The following BPIFC variants were observed in gnomAD, a reference collection of about 807,000 sequenced individuals.
The protein encoded by BPIFC is BPI fold-containing family C protein.
A neutral mutation model predicts 57.6 loss-of-function variants in BPIFC; 60 were observed. The observed-to-expected ratio is 1.04, with a 90% CI of 0.85 to 1.29. BPIFC has a LOEUF of 1.29. Among genes scored for constraint, BPIFC ranks in the 50% most tolerant of loss-of-function variants. The pLI, the probability that BPIFC is intolerant of heterozygous loss-of-function variation, is 0.00. For synonymous variants in BPIFC, 243 were observed against 224.5 expected, an observed-to-expected ratio of 1.08 and a Z score of -0.74; for missense variants, 581 against 600.5, an observed-to-expected ratio of 0.97 and a Z score of 0.34.
At chr22:32,461,145 C>A (rs1033867642) in intron 2 of BPIFC, among the ~76,000 whole-genome samples, 1 of 151,864 alleles carries the variant, frequency 6.6e-6, no homozygotes, top group Non-Finnish European at 1.5e-5. Flanking sequence ...TAGTTGGGGG[C>A]ACTGGGAATA....
At position 32,422,319 on chromosome 22, in the gene BPIFC, C is replaced by T. The variant is rs575191766; in HGVS notation, c.1218-2915G>A. ...ATAATTATGAGGGATGGAGAGAAGT[C>T]GTTTGTAGAAGGTAGAGAACAACAC... On this transcript the variant is annotated intron_variant, in intron 13 of 16. Coordinates refer to ENST00000300399, the MANE Select transcript of BPIFC (RefSeq NM_174932.3). Among the ~76,000 whole-genome samples the T allele has an allele frequency of 7.9e-5, 12 of 152,162 alleles. 1 individual carries two copies. In the South Asian group the frequency reaches 2.5e-3, roughly 32 times the overall value.
intron 13 of BPIFC, among the ~76,000 whole-genome samples, chr22:32,424,083 A>G (rs1556036221): frequency 1.3e-5 from 2 of 152,100 alleles, no homozygotes; most frequent in Non-Finnish European, 2.9e-5. Flanking sequence ...TTCTGGATCA[A>G]TGACTATATG....
At chr22:32,461,349 G>T (rs1253042638) in intron 2 of BPIFC, among the ~76,000 whole-genome samples, 3 of 152,168 alleles carry the variant, frequency 2.0e-5, no homozygotes, top group African/African-American at 4.8e-5. Flanking sequence ...ATGACTTGAG[G>T]GTGGTCAGGG....
At chr22:32,452,011 C>T (rs1238188712) in intron 4 of BPIFC, among the ~76,000 whole-genome samples, 1 of 152,096 alleles carries the variant, frequency 6.6e-6, no homozygotes, top group Non-Finnish European at 1.5e-5. Context: ...AGTGATCCTC[C>T]CACCTCAGCC....
At chr22:32,423,242 C>T (rs769205694) in intron 13 of BPIFC, among the ~76,000 whole-genome samples, 4 of 152,060 alleles carry the variant, frequency 2.6e-5, no homozygotes. Flanking sequence ...ATTAAAGGAC[C>T]CTTTTGATGA....
At chr22:32,448,209 C>T (rs1447053739) in intron 4 of BPIFC, among the ~76,000 whole-genome samples, 8 of 152,098 alleles carry the variant, frequency 5.3e-5, no homozygotes, top group South Asian at 2.1e-4. Context: ...GCTGGGACTA[C>T]AGGCGCATGC....
At chr22:32,440,516 G>A (rs1934534648) in intron 8 of BPIFC, among the ~76,000 whole-genome samples, 2 of 152,116 alleles carry the variant, frequency 1.3e-5, no homozygotes, top group South Asian at 4.1e-4. Context: ...CTGCACCCAA[G>A]GAACTCATAG....
chr22:32,434,865 T>G (rs1569451002), intron 10 of BPIFC, among the ~76,000 whole-genome samples: 1 of 152,194 alleles, frequency 6.6e-6, no homozygotes, highest in Non-Finnish European at 1.5e-5. Context: ...CTAGAGACAG[T>G]GCTGTCATTA....
intron 13 of BPIFC, among the ~76,000 whole-genome samples, chr22:32,422,310 G>A (rs957718739): frequency 6.6e-5 from 10 of 152,154 alleles, no homozygotes; most frequent in Non-Finnish European, 1.2e-4. Context: ...ATGAGGGATG[G>A]AGAGAAGTCG....
chr22:32,459,671 A>G lies in BPIFC; in HGVS notation c.-1+1903T>C, dbSNP rs147395827. ...GAGTGAGACTCCATTTCCAAAAATA[A>G]AAAATAAAAATTAAAAAAAAAACTA... is the stretch of plus-strand genomic sequence containing the variant. On this transcript the variant is annotated intron_variant, in intron 2 of 16. Coordinates refer to ENST00000300399, the MANE Select transcript of BPIFC (RefSeq NM_174932.3). Among the ~76,000 whole-genome samples, 561 of 151,760 alleles carry G rather than the reference A, an allele frequency of 3.7e-3. 2 individuals carry two copies. Among genetic ancestry groups the G allele is most frequent in the African/African-American group, 0.013 (531 of 41,340 alleles).
chr22:32,434,940 A>G (rs1012501894), intron 10 of BPIFC, among the ~76,000 whole-genome samples: 10 of 152,092 alleles, frequency 6.6e-5, no homozygotes, highest in African/African-American at 2.4e-4. Context: ...TTGTAGATAA[A>G]CCAGCTGTAA....
chr22:32,445,646 A>T lies in BPIFC; in HGVS notation c.583T>A (p.Leu195Ile). 6.5e-7 allele frequency: 1 copy of T among 1,548,394 alleles called. No homozygotes were observed. The highest frequency in any genetic ancestry group is 8.7e-7 in the Non-Finnish European group (1 of 1,145,912). The change falls in exon 7 of 17, where the codon TTA becomes ATA. Residue 195 changes from leucine to isoleucine, a missense_variant. Physicochemically the swap from Leu to Ile is conservative, Grantham distance 5. Transcript: ENST00000300399. ...EPMEKPILKN[L>I]NEMLCPIIAS... ...CTCTAAAGACTCACCATTTCATTTA[A>T]GTTCTTTAAAATGGGTTTCTCCATG...
At chr22:32,439,897 G>A (rs1410223162) in intron 8 of BPIFC, among the ~76,000 whole-genome samples, 9 of 152,148 alleles carry the variant, frequency 5.9e-5, no homozygotes, top group Admixed American at 5.9e-4. Context: ...TTACAGGTGT[G>A]GGCCACTGTG....
At chr22:32,416,389 G>C (rs1360498543) in intron 15 of BPIFC, among the ~76,000 whole-genome samples, 1 of 152,078 alleles carries the variant, frequency 6.6e-6, no homozygotes, top group African/African-American at 2.4e-5. Flanking sequence ...GGCATGGACA[G>C]CTTTTTAATA....
intron 9 of BPIFC, among the ~76,000 whole-genome samples, chr22:32,436,389 G>A (rs1252655239): frequency 2.3e-5 from 3 of 132,504 alleles, no homozygotes; most frequent in Admixed American, 7.9e-5. Context: ...AGAGGAGGAG[G>A]AGGAAGAGGA....
intron 13 of BPIFC, among the ~76,000 whole-genome samples, chr22:32,421,942 G>A (rs974476255): frequency 6.6e-6 from 1 of 152,148 alleles, no homozygotes; most frequent in Non-Finnish European, 1.5e-5. Flanking sequence ...GAAATATGAA[G>A]GATGAATAAG....
chr22:32,435,916 G>C (rs367930336), intron 9 of BPIFC, 36 bp from the exon 10 acceptor site: 6 of 1,578,260 alleles, frequency 3.8e-6, no homozygotes, highest in African/African-American at 1.4e-5. Flanking sequence ...AGTGTATCAG[G>C]TGAAAACTCA....
rs1285942173 is a variant in BPIFC, at chr22:32,420,612, C to T, written c.1218-1208G>A. Among the ~76,000 whole-genome samples, 3 of 152,286 alleles carry T rather than the reference C, an allele frequency of 2.0e-5. No individual in the cohort carries two copies. The East Asian group carries it at 5.8e-4, about 29-fold the overall frequency. On this transcript the variant is annotated intron_variant, in intron 13 of 16. Coordinates refer to ENST00000300399, the MANE Select transcript of BPIFC (RefSeq NM_174932.3). ...GTAGATTTACTTAATCTCTCTGGATCTTAATTTTCTCAACTATGAAATATG... is the reference window on the plus strand; with the variant it reads ...GTAGATTTACTTAATCTCTCTGGATTTTAATTTTCTCAACTATGAAATATG...
chr22:32,455,050 CA>C (rs1555880830), intron 3 of BPIFC, among the ~76,000 whole-genome samples: 1 of 134,172 alleles, frequency 7.5e-6, no homozygotes, highest in Non-Finnish European at 1.6e-5. Flanking sequence ...TTTTCATCTC[CA>C]TTTTTTTTTT....
Sources: gnomAD v4.1 joint callset for allele counts (sites outside exome capture counted in the v4.1 genomes callset) on GRCh38, gnomAD v4.1.1 for gene constraint, MANE v1.5 for transcripts, NCBI Gene and HGNC (gene_info 2026-07-23, HGNC 2026-07-21) for gene names.